CEP85L: variants seen among roughly 807,000 people sequenced by gnomAD.
CEP85L encodes the protein centrosomal protein of 85 kDa-like.
A neutral mutation model predicts 100.3 loss-of-function variants in CEP85L; 60 were observed. The ratio of observed to expected loss-of-function variants is 0.60; its 90% CI spans 0.49 to 0.74. The LOEUF (loss-of-function observed/expected upper bound fraction) is 0.74, where lower values mean the gene tolerates loss of function less well. Among genes scored for constraint, CEP85L ranks in the 30% least tolerant of loss-of-function variants. The pLI is 0.00. For synonymous variants in CEP85L, 319 were observed against 322.7 expected (o/e 0.99, Z 0.12); for missense variants, 973 against 936.2 (o/e 1.04, Z -0.51).
intron 2 of CEP85L, chr6:118,574,121 C>G (rs1356562304): frequency 6.6e-6 from 1 of 152,236 alleles, no homozygotes. Context: ...TAATCTGTAA[C>G]TAGCAAACCT....
Position 118,565,683 on chromosome 6 carries a change from G to C in CEP85L, c.866C>G (p.Pro289Arg). The change falls in exon 3 of 13, where the codon CCC (proline) becomes CGC (arginine). Residue 289 changes from proline to arginine, a missense_variant. By Grantham distance (103) the Pro-to-Arg change is moderately radical (BLOSUM62 -2). Coordinates refer to ENST00000368491, the MANE Select transcript of CEP85L (RefSeq NM_001042475.3). ...CTGAGTCCTTACGGAAGGCTGAATG[G>C]GAACTCCACCTACTGCCTGTTGACC... The part of the protein sequence containing the change: ...MLGQQAVGGV[P>R]IQPSVRTQMW... 6.2e-7 allele frequency: 1 copy of C among 1,614,170 alleles called. No individual in the cohort carries two copies. The highest frequency in any genetic ancestry group is 1.1e-5 in the South Asian group (1 of 91,086).
In CEP85L at chr6:118,606,884, A is replaced by AT. The variant is rs373035145; in HGVS notation, c.232+25568dup. Among the ~76,000 whole-genome samples, 719 of 149,070 alleles carry AT rather than the reference A, an allele frequency of 4.8e-3. 4 individuals are homozygous for AT. Among genetic ancestry groups the AT allele is most frequent in the Middle Eastern group, 7.0e-3 (2 of 286 alleles). ...AACTTTACAGAGGAGATAAACACTG[A>AT]TTTTTTTTTTTAACCATTCAGTCAA... On this transcript the variant is annotated intron_variant, in intron 2 of 12. Transcript: ENST00000368491.
chr6:118,470,614 G>C lies in CEP85L; in HGVS notation c.1945C>G (p.Leu649Val). Reference protein sequence around the residue: ...SMQGKLSKEKLTTQKMMEELE... With the variant: ...SMQGKLSKEKVTTQKMMEELE... ...TCTTCCATCATCTTTTGAGTGGTCA[G>C]TTTCTCTTTAGAAAGCTTTCCTTGC... The change falls in exon 11 of 13, where the codon CTG (leucine) becomes GTG (valine). Residue 649 changes from leucine (L) to valine (V), a missense_variant. This residue lies in a region of CEP85L where 890 missense variants were observed against 844.5 expected (regional missense o/e 1.05). Coordinates refer to ENST00000368491, the MANE Select transcript of CEP85L (RefSeq NM_001042475.3). The C allele has an allele frequency of 6.2e-7, 1 of 1,603,388 alleles. No individual in the cohort carries two copies. The highest frequency in any genetic ancestry group is 2.3e-5 in the East Asian group (1 of 44,016).
intron 10 of CEP85L, among the ~76,000 whole-genome samples, chr6:118,473,970 T>C (rs949411360): frequency 6.6e-6 from 1 of 152,176 alleles, no homozygotes; most frequent in African/African-American, 2.4e-5. Context: ...TTTCTAAGAA[T>C]CTAAGACAAT....
At chr6:118,474,674 G>C (rs1214693404) in intron 10 of CEP85L, among the ~76,000 whole-genome samples, 1 of 152,296 alleles carries the variant, frequency 6.6e-6, no homozygotes, top group Admixed American at 6.5e-5. Context: ...ATTTGTCATT[G>C]TCCCCACACC....
intron 3 of CEP85L, among the ~76,000 whole-genome samples, chr6:118,534,644 A>C (rs961379415): frequency 2.6e-5 from 4 of 152,138 alleles, no homozygotes; most frequent in African/African-American, 9.7e-5. Context: ...AAGATCCACA[A>C]ATCTAATGAT....
At chr6:118,571,892 T>C (rs905359686) in intron 2 of CEP85L, among the ~76,000 whole-genome samples, 1 of 152,204 alleles carries the variant, frequency 6.6e-6, no homozygotes, top group Non-Finnish European at 1.5e-5. Context: ...GTTTTGCTCT[T>C]GTTGCCCAGG....
intron 4 of CEP85L, among the ~76,000 whole-genome samples, chr6:118,513,485 A>G (rs938046881): frequency 6.6e-6 from 1 of 152,194 alleles, no homozygotes; most frequent in African/African-American, 2.4e-5. Flanking sequence ...TCAAGGAGAC[A>G]AAGATGAAGA....
intron 2 of CEP85L, among the ~76,000 whole-genome samples, chr6:118,625,855 AT>A (rs1168010494): frequency 6.6e-6 from 1 of 151,962 alleles, no homozygotes; most frequent in Non-Finnish European, 1.5e-5. Flanking sequence ...TGTCAAATTT[AT>A]TTCCTCTAGG....
chr6:118,511,677 T>C (rs553875176), intron 4 of CEP85L, among the ~76,000 whole-genome samples: 2 of 152,306 alleles, frequency 1.3e-5, no homozygotes, highest in African/African-American at 4.8e-5. Context: ...TCTTCAAAAA[T>C]TTATTAACTC....
chr6:118,656,607 G>A (rs373584987), upstream of CEP85L, among the ~76,000 whole-genome samples: 6 of 152,138 alleles, frequency 3.9e-5, no homozygotes, highest in East Asian at 9.6e-4. Flanking sequence ...TGTAGGACCT[G>A]CCTCAGCCTT....
intron 1 of CEP85L, among the ~76,000 whole-genome samples, chr6:118,703,331 A>T (rs889195497): frequency 6.6e-5 from 10 of 152,136 alleles, no homozygotes; most frequent in African/African-American, 9.7e-5. Flanking sequence ...ACCCTTTCAT[A>T]AGGATTCATG....
chr6:118,556,637 G>T (rs1778894205), intron 3 of CEP85L, among the ~76,000 whole-genome samples: 1 of 152,144 alleles, frequency 6.6e-6, no homozygotes, highest in Non-Finnish European at 1.5e-5. Flanking sequence ...GCTTTTATGG[G>T]ATGTATAAAA....
intron 6 of CEP85L, among the ~76,000 whole-genome samples, chr6:118,489,026 G>C (rs956762074): frequency 2.6e-5 from 4 of 152,112 alleles, no homozygotes; most frequent in East Asian, 1.9e-4. Context: ...CCAGCACTTT[G>C]GGGGGCCAAG....
intron 1 of CEP85L, among the ~76,000 whole-genome samples, chr6:118,695,628 A>G (rs1008143298): frequency 3.3e-5 from 5 of 152,208 alleles, no homozygotes; most frequent in Non-Finnish European, 7.3e-5. Context: ...AGAGAATATA[A>G]CACATTCTAC....
At chr6:118,674,520 T>C (rs558392781) in intron 1 of CEP85L, among the ~76,000 whole-genome samples, 11 of 143,576 alleles carry the variant, frequency 7.7e-5, no homozygotes, top group Admixed American at 7.6e-4. Flanking sequence ...TAAGACTCCA[T>C]CTCAAAAAAA....
intron 3 of CEP85L, among the ~76,000 whole-genome samples, chr6:118,546,083 ACTTT>A (rs1386699737): frequency 1.3e-5 from 2 of 152,154 alleles, no homozygotes; most frequent in Non-Finnish European, 2.9e-5. Flanking sequence ...CTATTAAACA[ACTTT>A]CTGTTTGGGC....
intron 2 of CEP85L, among the ~76,000 whole-genome samples, chr6:118,617,975 C>T (rs1773178536): frequency 6.6e-6 from 1 of 152,194 alleles, no homozygotes; most frequent in Non-Finnish European, 1.5e-5. Context: ...ACTAAAAACA[C>T]GAGTGTCAGC....
chr6:118,600,135 A>T (rs1781651590), intron 2 of CEP85L, among the ~76,000 whole-genome samples: 1 of 152,124 alleles, frequency 6.6e-6, no homozygotes, highest in Non-Finnish European at 1.5e-5. Flanking sequence ...CTTAAAGAAG[A>T]ATTCCAAATA....
Sources: allele counts gnomAD v4.1 joint callset (sites outside exome capture counted in the v4.1 genomes callset), GRCh38; gene constraint gnomAD v4.1.1; regional missense constraint gnomAD v4.1.1; transcripts MANE v1.5; gene names NCBI Gene and HGNC (gene_info 2026-07-23, HGNC 2026-07-21).